The following LIPA variants were observed in gnomAD, a reference collection of about 807,000 sequenced individuals.
The protein encoded by LIPA is lysosomal acid lipase/cholesteryl ester hydrolase.
A neutral mutation model predicts 40.6 loss-of-function variants in LIPA; 26 were observed. The ratio of observed to expected loss-of-function variants is 0.64; its 90% CI spans 0.47 to 0.89. The LOEUF is 0.89. LIPA is among the 40% of genes least tolerant of loss of function. The pLI is 0.00. For synonymous variants in LIPA, 188 were observed against 168.4 expected (o/e 1.12, Z -0.90); for missense variants, 455 against 479.6 (o/e 0.95, Z 0.48).
intron 5 of LIPA, among the ~76,000 whole-genome samples, chr10:89,225,630 A>G (rs1191430560): frequency 5.9e-5 from 9 of 152,162 alleles, no homozygotes. Flanking sequence ...GTTGAAATAA[A>G]CCACCAATGA....
chr10:89,339,464 CCACACCAAACAATGGCTACCTCTAT>C (rs756921367), intron 1 of LIPA: 52 of 1,614,030 alleles, frequency 3.2e-5, no homozygotes, highest in Non-Finnish European at 3.6e-5. Context: ...GTGTTGGAAT[CCACACCAAACAATGGCTACCTCTAT>C]CACCAGATTG....
intron 8 of LIPA, among the ~76,000 whole-genome samples, chr10:89,221,188 A>T (rs1044021091): frequency 6.6e-6 from 1 of 152,042 alleles, no homozygotes; most frequent in African/African-American, 2.4e-5. Flanking sequence ...GTATACTTTA[A>T]ATATTCTATG....
chr10:89,371,462 T>C (rs1383495305), intron 2 of LIPA, among the ~76,000 whole-genome samples: 20 of 152,362 alleles, frequency 1.3e-4, no homozygotes, highest in African/African-American at 4.8e-4. Context: ...TTCTTTTCTC[T>C]GTGCTTACAC....
At chr10:89,306,640 G>T (rs746375885) in intron 1 of LIPA, 17 of 1,614,010 alleles carry the variant, frequency 1.1e-5, no homozygotes, top group Admixed American at 8.3e-5. Context: ...AAGGTGAAGA[G>T]GAAGGTGAAG....
chr10:89,227,394 T>A (rs1025610260), intron 4 of LIPA, among the ~76,000 whole-genome samples: 2 of 152,242 alleles, frequency 1.3e-5, no homozygotes, highest in African/African-American at 2.4e-5. Context: ...TGCATTTGGG[T>A]AGTTTCCTGT....
chr10:89,397,494 T>G (rs1027794770), intron 2 of LIPA, among the ~76,000 whole-genome samples: 15 of 152,196 alleles, frequency 9.9e-5, no homozygotes, highest in Non-Finnish European at 2.9e-5. Flanking sequence ...AAGTTATAAA[T>G]TATTGCTTCT....
At chr10:89,402,635 G>A (rs564640056) in intron 2 of LIPA, 9 of 1,614,218 alleles carry the variant, frequency 5.6e-6, no homozygotes, top group African/African-American at 1.3e-5. Flanking sequence ...ACCTGGACAA[G>A]GTGGAGAACA....
intron 2 of LIPA, among the ~76,000 whole-genome samples, chr10:89,363,968 G>A (rs1334064830): frequency 2.0e-5 from 3 of 152,170 alleles, no homozygotes; most frequent in African/African-American, 7.2e-5. Flanking sequence ...AAGTGAAGCT[G>A]TGCTGTCCTA....
chr10:89,295,766 G>A (rs1336820744), intron 1 of LIPA, among the ~76,000 whole-genome samples: 1 of 152,190 alleles, frequency 6.6e-6, no homozygotes, highest in African/African-American at 2.4e-5. Context: ...GTAGCAACGA[G>A]GTTAGGCAGA....
At chr10:89,266,390 T>C (rs1345991999) in intron 1 of LIPA, among the ~76,000 whole-genome samples, 1 of 152,240 alleles carries the variant, frequency 6.6e-6, no homozygotes, top group Non-Finnish European at 1.5e-5. Flanking sequence ...TCCACATGTG[T>C]GGCTGAGATA....
rs539430845 is a variant in LIPA, at chr10:89,321,219, G to A, written c.-2+21392C>T. ...CAACAAAAGCCAAAATTGACAAATGGGATCTAATTAAACTAAAGAGCTTCT... is the reference window on the plus strand; with the variant it reads ...CAACAAAAGCCAAAATTGACAAATGAGATCTAATTAAACTAAAGAGCTTCT... On this transcript the variant is annotated intron_variant, in intron 1 of 5. Transcript: ENST00000282673. 3.2e-3 allele frequency among the ~76,000 whole-genome samples: 484 copies of A among 152,114 alleles called. 3 individuals are homozygous for A. In the Middle Eastern group the frequency reaches 0.041, roughly 13 times the overall value.
chr10:89,377,325 T>G (rs571497233), intron 2 of LIPA, among the ~76,000 whole-genome samples: 1 of 152,340 alleles, frequency 6.6e-6, no homozygotes, highest in East Asian at 1.9e-4. Flanking sequence ...TTAACCCCCA[T>G]GACCCCATCA....
upstream of LIPA, among the ~76,000 whole-genome samples, chr10:89,255,906 G>T (rs1238788973): frequency 6.6e-6 from 1 of 152,238 alleles, no homozygotes; most frequent in Non-Finnish European, 1.5e-5. Flanking sequence ...GACAAACAGG[G>T]TTTGGGTGGC....
At chr10:89,372,117 G>T (rs918867622) in intron 2 of LIPA, among the ~76,000 whole-genome samples, 2 of 152,192 alleles carry the variant, frequency 1.3e-5, no homozygotes, top group South Asian at 2.1e-4. Context: ...TCCCGTCTCC[G>T]GTGTACTAAT....
Position 89,368,403 on chromosome 10 carries a change from C to T in LIPA, c.61+44388G>A, listed in dbSNP as rs531299906. On this transcript the variant is annotated intron_variant, in intron 2 of 8. Coordinates refer to the LIPA transcript ENST00000371837. ...GCTTTAGCCCAAACAGATCAGAATA[C>T]CAGAAAGGGTCCCCAGCTGTCTCAA... is the stretch of plus-strand genomic sequence containing the variant. Among the ~76,000 whole-genome samples, 48 of 152,248 alleles carry T rather than the reference C, an allele frequency of 3.2e-4. 1 individual carries two copies. The highest frequency in any genetic ancestry group is 2.3e-3 in the Admixed American group (35 of 15,294).
At chr10:89,261,536 T>C (rs1271160654) in intron 1 of LIPA, among the ~76,000 whole-genome samples, 1 of 151,970 alleles carries the variant, frequency 6.6e-6, no homozygotes, top group African/African-American at 2.4e-5. Flanking sequence ...AAAATTAAAA[T>C]TTAAAAAATC....
At position 89,268,336 on chromosome 10, in the gene LIPA, TA is replaced by T. The variant is rs1481085647; in HGVS notation, c.-1-20688del. Among the ~76,000 whole-genome samples the T allele has an allele frequency of 5.9e-5, 9 of 152,386 alleles. No individual in the cohort carries two copies. In the East Asian group the frequency reaches 1.7e-3, roughly 29 times the overall value. On this transcript the variant is annotated intron_variant, in intron 1 of 5. Coordinates refer to the LIPA transcript ENST00000282673. ...GGGACATCTCAAATTTTGGATAAGATAATATGTGTTAAGTGCTTAGAATAGT... is the reference window on the plus strand; with the variant it reads ...GGGACATCTCAAATTTTGGATAAGATATATGTGTTAAGTGCTTAGAATAGT...
intron 1 of LIPA, among the ~76,000 whole-genome samples, chr10:89,275,486 C>G (rs141820988): frequency 1.2e-3 from 181 of 152,342 alleles, no homozygotes; most frequent in African/African-American, 4.2e-3. Context: ...GGACATTCAT[C>G]CATCTTCCCA....
At chr10:89,345,128 C>T (rs1843907952), upstream of LIPA, among the ~76,000 whole-genome samples, 1 of 151,744 alleles carries the variant, frequency 6.6e-6, no homozygotes, top group African/African-American at 2.4e-5. Context: ...GATCGCACCA[C>T]TGCACTCCAG....
Sources: allele counts gnomAD v4.1 joint callset (sites outside exome capture counted in the v4.1 genomes callset), GRCh38; gene constraint gnomAD v4.1.1; transcripts MANE v1.5; gene names NCBI Gene and HGNC (gene_info 2026-07-23, HGNC 2026-07-21).